Variants in ST18 observed in about 807,000 individuals in gnomAD.
ST18 encodes ST18 C2H2C-type zinc finger transcription factor.
ST18 carries 50 observed loss-of-function variants against 110.0 expected under a neutral mutation model. The observed-to-expected ratio is 0.45, with a 90% confidence interval of 0.36 to 0.58. The LOEUF is 0.58. Ranked by LOEUF, ST18 falls within the 20% of genes least tolerant of loss-of-function variation. ST18 has a pLI of 0.00. For missense variants in ST18, 1,306 were observed against 1,280.1 expected (o/e 1.02, Z -0.31); for synonymous variants, 461 against 452.4 (o/e 1.02, Z -0.24).
At chr8:52,263,087 C>G (rs16917599) in intron 2 of ST18, among the ~76,000 whole-genome samples, 8,600 of 152,250 alleles carry the variant, frequency 0.056, 823 homozygotes, top group African/African-American at 0.2. Context: ...AGTTGTCCCA[C>G]TTTGAATTCT....
intron 2 of ST18, among the ~76,000 whole-genome samples, chr8:52,242,262 A>G (rs1050593623): frequency 2.6e-5 from 4 of 152,242 alleles, no homozygotes; most frequent in African/African-American, 9.6e-5. Context: ...TTTCAAATAT[A>G]TTTTAAAGCA....
At chr8:52,373,257 C>T (rs1370703060) in intron 2 of ST18, among the ~76,000 whole-genome samples, 4 of 152,134 alleles carry the variant, frequency 2.6e-5, no homozygotes, top group African/African-American at 9.7e-5. Flanking sequence ...GCCCTCCCTC[C>T]TCCCCAAAGC....
In ST18 at chr8:52,125,448, A is replaced by G. The variant is rs546460984; in HGVS notation, c.2755+604T>C. On this transcript the variant is annotated intron_variant, in intron 23 of 25. Coordinates refer to ENST00000689386, the MANE Select transcript of ST18 (RefSeq NM_001352837.2). ...GAAAGAGAACACACACACGTGAGAG[A>G]GACTGAAGGACACAACTTCCACTAG... 4.5e-4 allele frequency among the ~76,000 whole-genome samples: 69 copies of G among 152,238 alleles called. 1 individual carries two copies. In the Middle Eastern group the frequency reaches 0.017, roughly 38 times the overall value.
chr8:52,344,931 CA>C (rs1028703955), intron 2 of ST18, among the ~76,000 whole-genome samples: 2 of 151,894 alleles, frequency 1.3e-5, no homozygotes, highest in Admixed American at 1.3e-4. Flanking sequence ...TTATTATTAT[CA>C]TTGTTATTCC....
intron 8 of ST18, among the ~76,000 whole-genome samples, chr8:52,195,294 T>C (rs2075847601): frequency 6.6e-6 from 1 of 152,202 alleles, no homozygotes; most frequent in South Asian, 2.1e-4. Flanking sequence ...CAGACATTTA[T>C]TACTATTTTT....
At chr8:52,320,852 CTG>C (rs1803592027) in intron 2 of ST18, among the ~76,000 whole-genome samples, 1 of 152,154 alleles carries the variant, frequency 6.6e-6, no homozygotes, top group Admixed American at 6.5e-5. Context: ...AAACTTTAGA[CTG>C]TGTATGAGGA....
intron 8 of ST18, chr8:52,194,419 A>T (rs184709646): frequency 6.6e-6 from 1 of 152,322 alleles, no homozygotes; most frequent in East Asian, 1.9e-4. Flanking sequence ...ACCTGGAAAC[A>T]CCTACAAGAG....
At chr8:52,336,958 T>C (rs1564523675) in intron 2 of ST18, among the ~76,000 whole-genome samples, 1 of 152,198 alleles carries the variant, frequency 6.6e-6, no homozygotes, top group Non-Finnish European at 1.5e-5. Flanking sequence ...TTTCTATGCT[T>C]AAAATAATAG....
chr8:52,141,823 G>A (rs1000882830), intron 17 of ST18, among the ~76,000 whole-genome samples: 2 of 152,196 alleles, frequency 1.3e-5, no homozygotes, highest in Non-Finnish European at 2.9e-5. Flanking sequence ...CTGCCCCTGT[G>A]GGGTGGTGGG....
chr8:52,223,034 C>G (rs2087581243), intron 3 of ST18, among the ~76,000 whole-genome samples: 1 of 152,132 alleles, frequency 6.6e-6, no homozygotes, highest in Non-Finnish European at 1.5e-5. Flanking sequence ...ACGGGCTACC[C>G]AATTCTAAAG....
At chr8:52,180,076 C>A (rs777465481) in intron 9 of ST18, 46 bp downstream of exon 9, 5 of 1,596,562 alleles carry the variant, frequency 3.1e-6, no homozygotes, top group Non-Finnish European at 4.3e-6. Flanking sequence ...GCACAGAGTC[C>A]TTGGAGCCAG....
chr8:52,344,315 T>C (rs1245726639), intron 2 of ST18, among the ~76,000 whole-genome samples: 1 of 152,068 alleles, frequency 6.6e-6, no homozygotes, highest in Non-Finnish European at 1.5e-5. Flanking sequence ...TGTAGAAAAA[T>C]GTTAGAATAG....
In ST18 at chr8:52,354,272, C is replaced by T. The variant is rs527958372; in HGVS notation, c.-465+55056G>A. On this transcript the variant is annotated intron_variant, in intron 2 of 25. Transcript: ENST00000689386. ...CAATCTGCAGCAAGTGAGGGTGAAA[C>T]CTGGAAATTCAGTCTAGAGGCTCTA... Among the ~76,000 whole-genome samples, 22 of 152,242 alleles carry T rather than the reference C, an allele frequency of 1.4e-4. No individual in the cohort carries two copies. In the South Asian group the frequency reaches 4.6e-3, roughly 32 times the overall value.
chr8:52,336,806 A>T (rs916945549), intron 2 of ST18, among the ~76,000 whole-genome samples: 52 of 152,296 alleles, frequency 3.4e-4, no homozygotes, highest in African/African-American at 1.3e-3. Context: ...TAATCAATTA[A>T]TTTTTTTAAA....
intron 2 of ST18, among the ~76,000 whole-genome samples, chr8:52,307,433 G>C (rs1280285722): frequency 6.6e-6 from 1 of 152,076 alleles, no homozygotes; most frequent in African/African-American, 2.4e-5. Context: ...ATAATCTTTA[G>C]TTACTAGGGA....
intron 9 of ST18, among the ~76,000 whole-genome samples, chr8:52,174,583 CAG>C (rs933954504): frequency 6.6e-6 from 1 of 152,180 alleles, no homozygotes; most frequent in Non-Finnish European, 1.5e-5. Context: ...TGCAGATCAC[CAG>C]AGAGGCGGGA....
intron 2 of ST18, among the ~76,000 whole-genome samples, chr8:52,345,723 T>A (rs990992277): frequency 6.6e-6 from 1 of 152,224 alleles, no homozygotes; most frequent in Non-Finnish European, 1.5e-5. Flanking sequence ...AGACATCTCA[T>A]GTATGCATTT....
At chr8:52,352,420 G>A (rs936638979) in intron 2 of ST18, among the ~76,000 whole-genome samples, 1 of 152,090 alleles carries the variant, frequency 6.6e-6, no homozygotes, top group South Asian at 2.1e-4. Context: ...GCTTAAACAT[G>A]GTCATGGAAC....
At chr8:52,290,037 G>A (rs1478210383) in intron 2 of ST18, among the ~76,000 whole-genome samples, 3 of 152,074 alleles carry the variant, frequency 2.0e-5, no homozygotes, top group African/African-American at 4.8e-5. Flanking sequence ...TTAAGGCAGC[G>A]TCTTCAGGTG....
Sources: allele counts gnomAD v4.1 joint callset (sites outside exome capture counted in the v4.1 genomes callset), GRCh38; gene constraint gnomAD v4.1.1; transcripts MANE v1.5; gene names NCBI Gene and HGNC (gene_info 2026-07-23, HGNC 2026-07-21).